Variants in GLCCI1 observed in about 807,000 individuals in gnomAD.
The protein encoded by GLCCI1 is glucocorticoid induced 1.
Under a neutral mutation model 52.2 loss-of-function variants are expected in GLCCI1, and 24 were observed. That is an observed-to-expected ratio of 0.46 (90% CI 0.33 to 0.65). The LOEUF (loss-of-function observed/expected upper bound fraction) is 0.65. Among genes scored for constraint, GLCCI1 ranks in the 30% least tolerant of loss-of-function variants. The pLI, the probability that GLCCI1 is intolerant of heterozygous loss-of-function variation, is 0.02. For synonymous variants in GLCCI1, 310 were observed against 276.5 expected, an observed-to-expected ratio of 1.12 and a Z score of -1.20; for missense variants, 704 against 701.5, an observed-to-expected ratio of 1.00 and a Z score of -0.04.
chr7:8,040,026 G>T (rs920293483), intron 3 of GLCCI1, among the ~76,000 whole-genome samples: 2 of 148,074 alleles, frequency 1.4e-5, no homozygotes, highest in South Asian at 4.3e-4. Context: ...AGAAGCCCAG[G>T]CTTCCCTACA....
At chr7:8,050,157 CTGTT>C (rs982388098) in intron 3 of GLCCI1, among the ~76,000 whole-genome samples, 13 of 152,048 alleles carry the variant, frequency 8.5e-5, no homozygotes, top group Non-Finnish European at 1.9e-4. Flanking sequence ...GCAAGCATGT[CTGTT>C]TGTGGATGGA....
chr7:8,015,076 A>G (rs1181972170), intron 2 of GLCCI1, among the ~76,000 whole-genome samples: 3 of 152,210 alleles, frequency 2.0e-5, no homozygotes, highest in Admixed American at 2.0e-4. Flanking sequence ...ACAGATCCAG[A>G]CTAAGTAGTT....
At chr7:8,013,059 T>C (rs1358805294) in intron 2 of GLCCI1, among the ~76,000 whole-genome samples, 3 of 152,202 alleles carry the variant, frequency 2.0e-5, no homozygotes, top group Non-Finnish European at 2.9e-5. Flanking sequence ...TCGACACCCT[T>C]ATCAAAAATC....
rs111879105 is a variant in GLCCI1, at chr7:8,044,059, C to G, written c.697-11374C>G. 6.2e-3 allele frequency among the ~76,000 whole-genome samples: 939 copies of G among 152,060 alleles called. 12 individuals carry two copies. Among genetic ancestry groups the G allele is most frequent in the African/African-American group, 0.019 (808 of 41,462 alleles). ...TCCCGGGTTCACACCATTCTCCTGC[C>G]TCAGCCTCCCGAGTAGCTGGGACTA... On this transcript the variant is annotated intron_variant, in intron 3 of 7. Transcript: ENST00000223145.
chr7:7,995,846 C>T (rs1250982668), intron 1 of GLCCI1, among the ~76,000 whole-genome samples: 1 of 151,832 alleles, frequency 6.6e-6, no homozygotes, highest in Non-Finnish European at 1.5e-5. Context: ...CACATGTATA[C>T]ATATGTAACA....
chr7:8,081,583 C>A (rs1482448831), intron 6 of GLCCI1, among the ~76,000 whole-genome samples: 1 of 152,086 alleles, frequency 6.6e-6, no homozygotes, highest in Non-Finnish European at 1.5e-5. Context: ...GTGTGGGCCC[C>A]ACAATATACC....
chr7:8,026,142 G>T (rs1781614566), intron 3 of GLCCI1, among the ~76,000 whole-genome samples: 1 of 152,098 alleles, frequency 6.6e-6, no homozygotes. Flanking sequence ...TTAGGAAAAG[G>T]ACATAAATTA....
chr7:8,081,940 G>A (rs1207452872), intron 6 of GLCCI1, among the ~76,000 whole-genome samples: 1 of 152,088 alleles, frequency 6.6e-6, no homozygotes, highest in Non-Finnish European at 1.5e-5. Flanking sequence ...ATTGACATTA[G>A]CTATGATGTT....
At chr7:8,006,553 A>T (rs1195551884) in intron 2 of GLCCI1, among the ~76,000 whole-genome samples, 1 of 152,230 alleles carries the variant, frequency 6.6e-6, no homozygotes, top group Non-Finnish European at 1.5e-5. Flanking sequence ...GTAGTAGTAT[A>T]TGTAGACATG....
intron 5 of GLCCI1, among the ~76,000 whole-genome samples, chr7:8,067,717 G>T (rs772002349): frequency 2.0e-5 from 3 of 152,236 alleles, no homozygotes; most frequent in African/African-American, 7.2e-5. Context: ...AAGGTCTTCT[G>T]TTGGCCTCAT....
chr7:7,980,156 A>G (rs1285399729), intron 1 of GLCCI1, among the ~76,000 whole-genome samples: 2 of 152,152 alleles, frequency 1.3e-5, no homozygotes, highest in Non-Finnish European at 2.9e-5. Flanking sequence ...TGGCCTCCCA[A>G]AATGCTGGGA....
chr7:8,050,356 G>A (rs918463129), intron 3 of GLCCI1, among the ~76,000 whole-genome samples: 5 of 152,122 alleles, frequency 3.3e-5, no homozygotes, highest in African/African-American at 9.7e-5. Context: ...CATATTTATA[G>A]GAAGGCAGAA....
At chr7:8,028,369 CAATGAAGA>C (rs1163162960) in intron 3 of GLCCI1, among the ~76,000 whole-genome samples, 4 of 151,990 alleles carry the variant, frequency 2.6e-5, no homozygotes, top group African/African-American at 4.8e-5. Flanking sequence ...ACCAATGAGT[CAATGAAGA>C]AATGAAGAAG....
chr7:8,031,109 T>G (rs1354185842), intron 3 of GLCCI1, among the ~76,000 whole-genome samples: 1 of 152,154 alleles, frequency 6.6e-6, no homozygotes, highest in African/African-American at 2.4e-5. Context: ...GCAGCAGTGT[T>G]CACAATAGCC....
chr7:8,062,697 T>G (rs933474333), intron 5 of GLCCI1, among the ~76,000 whole-genome samples: 4 of 152,218 alleles, frequency 2.6e-5, no homozygotes, highest in African/African-American at 9.7e-5. Context: ...TAGTTTTCAT[T>G]TGTAAGTGAC....
At chr7:7,972,663 G>A (rs970954404) in intron 1 of GLCCI1, among the ~76,000 whole-genome samples, 32 of 152,014 alleles carry the variant, frequency 2.1e-4, no homozygotes, top group African/African-American at 7.3e-4. Context: ...AATATTTGTA[G>A]GGCTAAGGCT....
intron 3 of GLCCI1, among the ~76,000 whole-genome samples, chr7:8,023,236 C>T (rs1049820339): frequency 2.6e-5 from 4 of 152,152 alleles, no homozygotes; most frequent in African/African-American, 7.2e-5. Context: ...AGGATGGTCT[C>T]AATCTCCTGA....
At chr7:8,082,018 C>T (rs1030122321) in intron 6 of GLCCI1, among the ~76,000 whole-genome samples, 8 of 152,094 alleles carry the variant, frequency 5.3e-5, no homozygotes, top group East Asian at 1.9e-4. Context: ...TATTATTCTC[C>T]GGAATACCAG....
intron 1 of GLCCI1, chr7:7,981,887 C>T (rs1198079615): frequency 6.5e-6 from 3 of 464,588 alleles, no homozygotes; most frequent in East Asian, 6.5e-5. Flanking sequence ...AGTCAAGTCA[C>T]TCACACACAA....
Sources: gnomAD v4.1 joint callset for allele counts (sites outside exome capture counted in the v4.1 genomes callset) on GRCh38, gnomAD v4.1.1 for gene constraint, MANE v1.5 for transcripts, NCBI Gene and HGNC (gene_info 2026-07-23, HGNC 2026-07-21) for gene names.